CEP85L: variants seen among roughly 807,000 people sequenced by gnomAD.
CEP85L encodes centrosomal protein of 85 kDa-like.
In CEP85L, 60 loss-of-function variants were observed where a neutral mutation model predicts 100.3. The observed-to-expected ratio is 0.60, with a 90% CI of 0.49 to 0.74. The LOEUF is 0.74. Ranked by LOEUF, CEP85L falls within the 30% of genes least tolerant of loss-of-function variation. CEP85L has a pLI of 0.00. For missense variants in CEP85L, 973 were observed against 936.2 expected (o/e 1.04, Z -0.51); for synonymous variants, 319 against 322.7 (o/e 0.99, Z 0.12).
intron 1 of CEP85L, among the ~76,000 whole-genome samples, chr6:118,663,175 A>G (rs1262080346): frequency 6.6e-6 from 1 of 152,224 alleles, no homozygotes; most frequent in Non-Finnish European, 1.5e-5. Context: ...AAATGGGACC[A>G]ACTCTTTTGG....
chr6:118,593,540 G>C (rs572913040), intron 2 of CEP85L, among the ~76,000 whole-genome samples: 6 of 151,930 alleles, frequency 3.9e-5, no homozygotes, highest in Non-Finnish European at 7.4e-5. Context: ...CACGAGAACC[G>C]CACTAGGGGG....
intron 4 of CEP85L, among the ~76,000 whole-genome samples, chr6:118,514,165 T>TA (rs1012363849): frequency 6.6e-6 from 1 of 151,954 alleles, no homozygotes; most frequent in African/African-American, 2.4e-5. Context: ...ACAGGAATTG[T>TA]AAAAAAATAT....
chr6:118,682,163 T>A (rs1014902888), intron 1 of CEP85L, among the ~76,000 whole-genome samples: 1 of 152,224 alleles, frequency 6.6e-6, no homozygotes, highest in African/African-American at 2.4e-5. Flanking sequence ...AAGCCTGTAT[T>A]GCACTTAAAT....
chr6:118,667,840 C>A (rs932164402), intron 1 of CEP85L, among the ~76,000 whole-genome samples: 2 of 152,176 alleles, frequency 1.3e-5, no homozygotes, highest in African/African-American at 4.8e-5. Context: ...CAGTGTAAAT[C>A]TGGGTGAACT....
At position 118,511,353 on chromosome 6, in the gene CEP85L, T is replaced by C; in HGVS notation, c.1202A>G (p.His401Arg). Residue 401 changes from histidine (H) to arginine (R), a missense_variant, in exon 5 of 13, where the codon CAT (histidine) becomes CGT (arginine). His to Arg is a conservative substitution (Grantham distance 29, BLOSUM62 0). Coordinates refer to ENST00000368491, the MANE Select transcript of CEP85L (RefSeq NM_001042475.3). ...ATTTACATAATGTCCTAACATGGCA[T>C]GTTGAGCCCGTAATTCATTATCCCT... The part of the protein sequence containing the change: ...RIRDNELRAQ[H>R]AMLGHYVNCE... 1 of 1,613,370 alleles carries C rather than the reference T, an allele frequency of 6.2e-7. No individual in the cohort carries two copies. Among genetic ancestry groups the C allele is most frequent in the East Asian group, 2.2e-5 (1 of 44,822 alleles).
chr6:118,699,280 C>T (rs534077778), intron 1 of CEP85L, among the ~76,000 whole-genome samples: 6 of 151,662 alleles, frequency 4.0e-5, no homozygotes, highest in South Asian at 4.2e-4. Flanking sequence ...TAGCAAGACC[C>T]CCATCTCTAT....
At chr6:118,584,796 T>C (rs1780762889) in intron 2 of CEP85L, among the ~76,000 whole-genome samples, 1 of 152,248 alleles carries the variant, frequency 6.6e-6, no homozygotes. Flanking sequence ...ATGCCCCACC[T>C]AACGTGGCAG....
chr6:118,702,152 T>C (rs571101923), intron 1 of CEP85L, among the ~76,000 whole-genome samples: 15 of 152,308 alleles, frequency 9.8e-5, no homozygotes, highest in African/African-American at 3.6e-4. Flanking sequence ...TTTTTTTTTT[T>C]TAATCATTCA....
chr6:118,470,857 G>A (rs1476792040), intron 10 of CEP85L, among the ~76,000 whole-genome samples: 2 of 152,014 alleles, frequency 1.3e-5, no homozygotes, highest in Non-Finnish European at 2.9e-5. Flanking sequence ...TGGTTTCCCA[G>A]AATACATTTG....
intron 2 of CEP85L, among the ~76,000 whole-genome samples, chr6:118,613,569 C>G (rs1432683099): frequency 6.6e-6 from 1 of 151,912 alleles, no homozygotes; most frequent in Non-Finnish European, 1.5e-5. Context: ...CCAGCCTGGT[C>G]AACATGGCAA....
intron 2 of CEP85L, among the ~76,000 whole-genome samples, chr6:118,610,666 C>T (rs565552180): frequency 6.6e-6 from 1 of 152,050 alleles, no homozygotes; most frequent in African/African-American, 2.4e-5. Context: ...GAGACAGTGC[C>T]CCATAACTTT....
chr6:118,548,677 G>A (rs1778352119), intron 3 of CEP85L, among the ~76,000 whole-genome samples: 1 of 152,008 alleles, frequency 6.6e-6, no homozygotes, highest in Admixed American at 6.6e-5. Flanking sequence ...CTTTTCAAAT[G>A]TGAATTTCTG....
At chr6:118,536,444 A>G (rs1049164816) in intron 3 of CEP85L, among the ~76,000 whole-genome samples, 3 of 152,166 alleles carry the variant, frequency 2.0e-5, no homozygotes, top group Non-Finnish European at 2.9e-5. Context: ...TAATATTCCT[A>G]TGTACTTTAC....
intron 1 of CEP85L, among the ~76,000 whole-genome samples, chr6:118,645,480 T>C (rs1213463395): frequency 6.6e-6 from 1 of 152,158 alleles, no homozygotes; most frequent in Non-Finnish European, 1.5e-5. Flanking sequence ...AAGACCAGCC[T>C]GGGTAACAGT....
intron 2 of CEP85L, among the ~76,000 whole-genome samples, chr6:118,617,392 C>A (rs1773133945): frequency 6.6e-6 from 1 of 152,140 alleles, no homozygotes; most frequent in African/African-American, 2.4e-5. Flanking sequence ...CCTTATCTAT[C>A]CTCCCAATTC....
chr6:118,479,853 G>A lies in CEP85L; in HGVS notation c.1914+18C>T. On this transcript the variant is annotated intron_variant, in intron 10 of 12. Coordinates refer to ENST00000368491, the MANE Select transcript of CEP85L (RefSeq NM_001042475.3). ...TCAGAATATAGCTAAATTAAAATAAGCACAAAATATTCCTTACCTGAATTT... is the reference window on the plus strand; with the variant it reads ...TCAGAATATAGCTAAATTAAAATAAACACAAAATATTCCTTACCTGAATTT... 1.4e-6 allele frequency: 2 copies of A among 1,389,026 alleles called. No individual in the cohort carries two copies. The highest frequency in any genetic ancestry group is 1.3e-5 in the South Asian group (1 of 76,842). 86.0% of individuals were successfully genotyped at this position (1,389,026 alleles called of 1,614,324 possible).
intron 5 of CEP85L, among the ~76,000 whole-genome samples, chr6:118,496,292 C>A (rs189439306): frequency 1.3e-4 from 20 of 152,174 alleles, no homozygotes; most frequent in African/African-American, 4.8e-4. Flanking sequence ...AGGAGATGGA[C>A]GCAGGGCACA....
chr6:118,590,904 G>A (rs978329464), intron 2 of CEP85L, among the ~76,000 whole-genome samples: 6 of 152,036 alleles, frequency 3.9e-5, no homozygotes, highest in African/African-American at 7.2e-5. Context: ...TTAAACCGGC[G>A]AGACAAAGGA....
intron 3 of CEP85L, among the ~76,000 whole-genome samples, chr6:118,527,038 G>A (rs1205826869): frequency 8.9e-6 from 1 of 112,858 alleles, no homozygotes; most frequent in Admixed American, 1.2e-4. Flanking sequence ...TAATTGAGAC[G>A]CAGTCTCACT....
Sources: gnomAD v4.1 joint callset for allele counts (sites outside exome capture counted in the v4.1 genomes callset) on GRCh38, gnomAD v4.1.1 for gene constraint, MANE v1.5 for transcripts, NCBI Gene and HGNC (gene_info 2026-07-23, HGNC 2026-07-21) for gene names.